Variants in ADAMTS19 observed in about 807,000 individuals in gnomAD.
ADAMTS19 encodes the protein ADAM metallopeptidase with thrombospondin type 1 motif 19.
A neutral mutation model predicts 153.3 loss-of-function variants in ADAMTS19; 93 were observed. That is an observed-to-expected ratio of 0.61 (90% CI 0.51 to 0.72). The LOEUF is 0.72. ADAMTS19 is among the 30% of genes least tolerant of loss of function. The pLI, the probability that ADAMTS19 is intolerant of heterozygous loss-of-function variation, is 0.00. For missense variants in ADAMTS19, 1,482 were observed against 1,552.1 expected, an observed-to-expected ratio of 0.95 and a Z score of 0.76; for synonymous variants, 600 against 556.6, an observed-to-expected ratio of 1.08 and a Z score of -1.10.
intron 16 of ADAMTS19, among the ~76,000 whole-genome samples, chr5:129,679,376 G>A (rs1581218682): frequency 6.6e-6 from 1 of 152,202 alleles, no homozygotes; most frequent in Non-Finnish European, 1.5e-5. Flanking sequence ...GACAGAGCAT[G>A]TATGAGATAT....
At chr5:129,684,585 T>C (rs1207119867) in intron 18 of ADAMTS19, among the ~76,000 whole-genome samples, 1 of 152,158 alleles carries the variant, frequency 6.6e-6, no homozygotes, top group Non-Finnish European at 1.5e-5. Context: ...CCAGACACCA[T>C]TCAGGTTGTT....
intron 21 of ADAMTS19, among the ~76,000 whole-genome samples, chr5:129,719,371 C>T (rs67773815): frequency 0.13 from 19,883 of 152,044 alleles, 3,059 homozygotes; most frequent in African/African-American, 0.38. Flanking sequence ...TCCCATATGG[C>T]CCCCAAATCT....
At chr5:129,622,968 G>C (rs1458424706) in intron 10 of ADAMTS19, among the ~76,000 whole-genome samples, 1 of 151,928 alleles carries the variant, frequency 6.6e-6, no homozygotes, top group African/African-American at 2.4e-5. Flanking sequence ...CAAACGGGGA[G>C]GGCCAACTGT....
Position 129,738,074 on chromosome 5 carries a change from A to G in ADAMTS19, c.*856A>G, listed in dbSNP as rs1338103417. On this transcript the variant is annotated 3_prime_UTR_variant, in exon 23 of 23. Transcript: ENST00000274487. ...CCTGTATCTTTTTAGCAGATTTATTAAAGAGTATAGTACTTAGCCTCACGA... is the reference window on the plus strand; with the variant it reads ...CCTGTATCTTTTTAGCAGATTTATTGAAGAGTATAGTACTTAGCCTCACGA... The G allele has an allele frequency of 1.3e-5, 2 of 152,506 alleles. No individual in the cohort carries two copies. The highest frequency in any genetic ancestry group is 2.9e-5 in the Non-Finnish European group (2 of 67,988). 9.4% of individuals were successfully genotyped at this position (152,506 alleles called of 1,614,324 possible).
intron 2 of ADAMTS19, among the ~76,000 whole-genome samples, chr5:129,465,312 T>G (rs1177070137): frequency 1.3e-5 from 2 of 150,368 alleles, no homozygotes; most frequent in East Asian, 1.9e-4. Context: ...CAATGTTTTT[T>G]TTTTTTTTTT....
chr5:129,704,124 G>T, intron 20 of ADAMTS19, 115 bp from the exon 21 acceptor site: 2 of 1,063,246 alleles, frequency 1.9e-6, no homozygotes, highest in Non-Finnish European at 2.7e-6. Flanking sequence ...ATTTTATCTG[G>T]CTTTTATGGG....
At chr5:129,617,226 T>G (rs1751571326) in intron 8 of ADAMTS19, among the ~76,000 whole-genome samples, 1 of 152,044 alleles carries the variant, frequency 6.6e-6, no homozygotes, top group South Asian at 2.1e-4. Flanking sequence ...GATAATCTTT[T>G]CTGTTATGAG....
At chr5:129,537,027 T>G (rs1306529108) in intron 6 of ADAMTS19, among the ~76,000 whole-genome samples, 2 of 151,674 alleles carry the variant, frequency 1.3e-5, no homozygotes, top group African/African-American at 4.8e-5. Context: ...AGCTGCACAT[T>G]GTGCACATGT....
intron 3 of ADAMTS19, among the ~76,000 whole-genome samples, chr5:129,516,584 ATAGTTG>A (rs1243481201): frequency 6.6e-6 from 1 of 151,842 alleles, no homozygotes; most frequent in Non-Finnish European, 1.5e-5. Context: ...TTATTGGCAT[ATAGTTG>A]CTTATCGTGG....
chr5:129,664,091 T>G (rs1233881361), intron 15 of ADAMTS19, among the ~76,000 whole-genome samples: 1 of 147,060 alleles, frequency 6.8e-6, no homozygotes, highest in Non-Finnish European at 1.5e-5. Flanking sequence ...GAGTAATTTT[T>G]AACAAGGAAA....
At position 129,737,105 on chromosome 5, in the gene ADAMTS19, G is replaced by C; in HGVS notation, c.3529G>C (p.Val1177Leu). Residue 1177 changes from valine (V) to leucine (L), a missense_variant, in exon 23 of 23, where the codon GTG (valine) becomes CTG (leucine). Physicochemically the swap from Val to Leu is conservative, Grantham distance 32. Coordinates refer to ENST00000274487, the MANE Select transcript of ADAMTS19 (RefSeq NM_133638.6). Reference sequence around the variant, plus strand: ...CAAGTGCCTGGGAGATCAGTGGCCAGTGTACTGCCGAGTGATACGTGAAAA... The same window carrying C: ...CAAGTGCCTGGGAGATCAGTGGCCACTGTACTGCCGAGTGATACGTGAAAA... ...TFKCLGDQWP[V>L]YCRVIREKNL... The C allele has an allele frequency of 2.5e-6, 4 of 1,608,742 alleles. No individual in the cohort carries two copies. The highest frequency in any genetic ancestry group is 3.4e-6 in the Non-Finnish European group (4 of 1,176,494).
intron 2 of ADAMTS19, among the ~76,000 whole-genome samples, chr5:129,490,537 C>G (rs1341729177): frequency 2.6e-5 from 4 of 152,088 alleles, no homozygotes. Context: ...TCTCTAATTC[C>G]TATTTGTTTC....
chr5:129,673,969 G>C, intron 16 of ADAMTS19, among the ~76,000 whole-genome samples: 1 of 151,996 alleles, frequency 6.6e-6, no homozygotes, highest in South Asian at 2.1e-4. Context: ...GGTAACTCAC[G>C]CCTGTAATGC....
chr5:129,485,047 G>T (rs1233943402), intron 2 of ADAMTS19, among the ~76,000 whole-genome samples: 10 of 152,134 alleles, frequency 6.6e-5, no homozygotes, highest in Admixed American at 3.3e-4. Context: ...TACAATTAAA[G>T]AAAATTTTAT....
intron 12 of ADAMTS19, among the ~76,000 whole-genome samples, 198 bp from the exon 13 acceptor site, chr5:129,648,600 T>G (rs776807476): frequency 6.6e-6 from 1 of 152,134 alleles, no homozygotes; most frequent in Non-Finnish European, 1.5e-5. Flanking sequence ...GAAGGTATAT[T>G]GATCAAGGAT....
intron 21 of ADAMTS19, among the ~76,000 whole-genome samples, chr5:129,705,016 C>T (rs1756077917): frequency 6.6e-6 from 1 of 152,110 alleles, no homozygotes; most frequent in African/African-American, 2.4e-5. Flanking sequence ...CCTGTTCATT[C>T]TATGAAATAC....
intron 10 of ADAMTS19, among the ~76,000 whole-genome samples, chr5:129,625,546 G>T (rs891500635): frequency 6.6e-6 from 1 of 152,100 alleles, no homozygotes; most frequent in African/African-American, 2.4e-5. Flanking sequence ...GTGTGAGATG[G>T]TATCTCATTG....
chr5:129,537,847 A>T (rs530602737), intron 6 of ADAMTS19, among the ~76,000 whole-genome samples: 2 of 152,286 alleles, frequency 1.3e-5, no homozygotes, highest in Non-Finnish European at 2.9e-5. Flanking sequence ...TAATGGGTAC[A>T]GCACACCAAC....
At chr5:129,688,841 C>T (rs1305134624) in intron 18 of ADAMTS19, among the ~76,000 whole-genome samples, 3 of 152,108 alleles carry the variant, frequency 2.0e-5, no homozygotes, top group Non-Finnish European at 2.9e-5. Flanking sequence ...GTTCACTTTG[C>T]GTTAGAGTTC....
Sources: allele counts gnomAD v4.1 joint callset (sites outside exome capture counted in the v4.1 genomes callset), GRCh38; gene constraint gnomAD v4.1.1; transcripts MANE v1.5; gene names NCBI Gene and HGNC (gene_info 2026-07-23, HGNC 2026-07-21).